Variants in THSD7A observed in about 807,000 individuals in gnomAD.
The protein encoded by THSD7A is thrombospondin type-1 domain-containing protein 7A.
A neutral mutation model predicts 231.3 loss-of-function variants in THSD7A; 96 were observed. The observed-to-expected ratio is 0.41, with a 90% confidence interval of 0.35 to 0.49. The LOEUF is 0.49. Among genes scored for constraint, THSD7A ranks in the 20% least tolerant of loss-of-function variants. The pLI, the probability that THSD7A is intolerant of heterozygous loss-of-function variation, is 0.05. For synonymous variants in THSD7A, 940 were observed against 743.3 expected (o/e 1.26, Z -4.30); for missense variants, 2,290 against 2,070.2 (o/e 1.11, Z -2.06).
At chr7:11,576,811 T>C (rs918619848) in intron 4 of THSD7A, among the ~76,000 whole-genome samples, 2 of 152,216 alleles carry the variant, frequency 1.3e-5, no homozygotes, top group East Asian at 3.9e-4. Context: ...TTTTCTTTTA[T>C]AAGAAGTAGA....
rs2128185160 is a variant in THSD7A at position 11,814,362 on chromosome 7, T to A, written c.190+17395A>T. On this transcript the variant is annotated intron_variant, in intron 1 of 27. Transcript: ENST00000423059. The surrounding 1 kb of genome is among the most constrained non-coding windows in gnomAD (Gnocchi z 5.1). ...GCACGTGACAAACAAAGGAGATTCA[T>A]CTCATTTATAATAACATGGCACAAA... 6.6e-6 allele frequency among the ~76,000 whole-genome samples: 1 copy of A among 152,284 alleles called. No individual in the cohort carries two copies. Among genetic ancestry groups the A allele is most frequent in the South Asian group, 2.1e-4 (1 of 4,822 alleles).
chr7:11,696,601 G>GAA, intron 1 of THSD7A, among the ~76,000 whole-genome samples: 1 of 150,402 alleles, frequency 6.6e-6, no homozygotes, highest in African/African-American at 2.4e-5. Context: ...CCCTCCCCCC[G>GAA]ACAGGCCCCG....
In THSD7A at chr7:11,474,211, C is replaced by G. The variant is rs1786052512; in HGVS notation, c.2252+123G>C. On this transcript the variant is annotated intron_variant, in intron 8 of 27. Coordinates refer to ENST00000423059, the MANE Select transcript of THSD7A (RefSeq NM_015204.3). This position sits in a 1 kb window ranked among gnomAD's most constrained non-coding sequence, Gnocchi z 4.1. ...TGGCTGACTTTCAAAACAAACAAAT[C>G]TTGCTCTTGAGGACAGGTATGACAA... The G allele has an allele frequency of 1.3e-6, 1 of 769,984 alleles. No individual in the cohort carries two copies. The highest frequency in any genetic ancestry group is 2.0e-6 in the Non-Finnish European group (1 of 496,688). 47.7% of individuals were successfully genotyped at this position (769,984 alleles called of 1,614,324 possible). A position where few individuals can be genotyped will look rare whatever the true frequency, so the allele number is the denominator to read the frequency against.
intron 1 of THSD7A, among the ~76,000 whole-genome samples, chr7:11,778,900 C>T (rs1184916496): frequency 6.6e-6 from 1 of 152,024 alleles, no homozygotes; most frequent in Non-Finnish European, 1.5e-5. Context: ...AAATTAAGAG[C>T]AATTTATAAA....
intron 13 of THSD7A, among the ~76,000 whole-genome samples, chr7:11,431,102 C>T (rs1302709575): frequency 6.6e-6 from 1 of 152,156 alleles, no homozygotes; most frequent in Non-Finnish European, 1.5e-5. Context: ...ACTTTATACT[C>T]CACCAGATAT....
At chr7:11,528,120 G>A (rs1468661697) in intron 6 of THSD7A, among the ~76,000 whole-genome samples, 3 of 152,062 alleles carry the variant, frequency 2.0e-5, no homozygotes, top group African/African-American at 4.8e-5. Context: ...GTGAGCTATG[G>A]TCATGCCATT....
chr7:11,428,184 C>G (rs1784378281), intron 14 of THSD7A, among the ~76,000 whole-genome samples: 1 of 152,240 alleles, frequency 6.6e-6, no homozygotes, highest in South Asian at 2.1e-4. Flanking sequence ...GATTTAAATT[C>G]AAATACACAA....
At chr7:11,648,720 G>A (rs1782382080) in intron 1 of THSD7A, among the ~76,000 whole-genome samples, 1 of 150,466 alleles carries the variant, frequency 6.6e-6, no homozygotes, top group Non-Finnish European at 1.5e-5. Context: ...TTTGCAAAAA[G>A]TATGGCCTTA....
chr7:11,390,349 A>G (rs1383026479), intron 23 of THSD7A, among the ~76,000 whole-genome samples: 1 of 152,110 alleles, frequency 6.6e-6, no homozygotes, highest in African/African-American at 2.4e-5. Flanking sequence ...TATTTCATTA[A>G]GTTGATCTTC....
At chr7:11,562,237 A>C (rs1207316454) in intron 4 of THSD7A, among the ~76,000 whole-genome samples, 2 of 151,966 alleles carry the variant, frequency 1.3e-5, no homozygotes, top group African/African-American at 4.8e-5. Flanking sequence ...TCAAATGTAC[A>C]AATGTACATT....
At chr7:11,569,753 G>C (rs182837665) in intron 4 of THSD7A, among the ~76,000 whole-genome samples, 63 of 152,322 alleles carry the variant, frequency 4.1e-4, no homozygotes, top group African/African-American at 1.3e-3. Context: ...ACTATTTATA[G>C]CCAAGATTTG....
chr7:11,414,253 G>C (rs1428633287), intron 17 of THSD7A, among the ~76,000 whole-genome samples: 1 of 152,164 alleles, frequency 6.6e-6, no homozygotes, highest in Non-Finnish European at 1.5e-5. Context: ...GTACAGTAAG[G>C]GTTTCTGTGA....
intron 1 of THSD7A, among the ~76,000 whole-genome samples, chr7:11,802,734 T>C (rs2128181940): frequency 6.6e-6 from 1 of 152,302 alleles, no homozygotes; most frequent in Admixed American, 6.5e-5. Flanking sequence ...TTCCTTGATG[T>C]ATAACATTAA....
At chr7:11,394,271 A>G (rs1783095953) in intron 23 of THSD7A, among the ~76,000 whole-genome samples, 1 of 152,210 alleles carries the variant, frequency 6.6e-6, no homozygotes. Context: ...TAAGCTTCAT[A>G]AGCAAAGGAG....
At chr7:11,740,067 T>C (rs1391333170) in intron 1 of THSD7A, among the ~76,000 whole-genome samples, 2 of 151,980 alleles carry the variant, frequency 1.3e-5, no homozygotes, top group African/African-American at 2.4e-5. Context: ...TCCCTTCTAA[T>C]GATCAAAGAT....
chr7:11,569,329 T>G (rs1790523619), intron 4 of THSD7A, among the ~76,000 whole-genome samples: 1 of 151,902 alleles, frequency 6.6e-6, no homozygotes, highest in Non-Finnish European at 1.5e-5. Flanking sequence ...TCAACTGCAA[T>G]AATAATAATA....
At chr7:11,526,910 TG>T (rs1374400074) in intron 6 of THSD7A, among the ~76,000 whole-genome samples, 1 of 152,192 alleles carries the variant, frequency 6.6e-6, no homozygotes, top group Non-Finnish European at 1.5e-5. Flanking sequence ...ATGAAATTTC[TG>T]TGCTCAGCTA....
At chr7:11,674,950 T>C (rs1168893396) in intron 1 of THSD7A, among the ~76,000 whole-genome samples, 3 of 152,076 alleles carry the variant, frequency 2.0e-5, no homozygotes, top group Non-Finnish European at 4.4e-5. Flanking sequence ...GACATAGCTA[T>C]GTTAAGAAAG....
At chr7:11,565,299 T>A (rs1300715609) in intron 4 of THSD7A, among the ~76,000 whole-genome samples, 2 of 152,176 alleles carry the variant, frequency 1.3e-5, no homozygotes, top group Non-Finnish European at 2.9e-5. Flanking sequence ...AATTTGAGTA[T>A]CTAATCAAAA....
Sources: allele counts gnomAD v4.1 joint callset (sites outside exome capture counted in the v4.1 genomes callset), GRCh38; gene constraint gnomAD v4.1.1; non-coding constraint Gnocchi (gnomAD v3.1); transcripts MANE v1.5; gene names NCBI Gene and HGNC (gene_info 2026-07-23, HGNC 2026-07-21).